ZSWIM6: variants seen among roughly 807,000 people sequenced by gnomAD.
The protein encoded by ZSWIM6 is zinc finger SWIM domain-containing protein 6.
ZSWIM6 carries 9 observed loss-of-function variants against 113.2 expected under a neutral mutation model. The observed-to-expected ratio is 0.08, with a 90% confidence interval of 0.05 to 0.14. The LOEUF is 0.14. Among genes scored for constraint, ZSWIM6 ranks in the 10% least tolerant of loss-of-function variants. ZSWIM6 has a pLI of 1.00. For missense variants in ZSWIM6, 1,162 were observed against 1,552.2 expected (o/e 0.75, Z 4.22); for synonymous variants, 611 against 606.5 (o/e 1.01, Z -0.11).
intron 4 of ZSWIM6, among the ~76,000 whole-genome samples, chr5:61,506,826 TTATAA>T (rs1748634243): frequency 6.6e-6 from 1 of 152,208 alleles, no homozygotes; most frequent in African/African-American, 2.4e-5. Context: ...TTCTAGACTC[TTATAA>T]TAGCCTCTGA....
chr5:61,532,162 G>A (rs1027260569), intron 9 of ZSWIM6, among the ~76,000 whole-genome samples: 4 of 152,146 alleles, frequency 2.6e-5, no homozygotes, highest in Non-Finnish European at 4.4e-5. Context: ...CCTGGGTTTT[G>A]AATGTGTCAT....
intron 1 of ZSWIM6, among the ~76,000 whole-genome samples, chr5:61,372,974 C>T (rs1745298125): frequency 6.6e-6 from 1 of 152,050 alleles, no homozygotes; most frequent in African/African-American, 2.4e-5. Flanking sequence ...ACAAGTCATA[C>T]ATGAATATAT....
intron 2 of ZSWIM6, among the ~76,000 whole-genome samples, chr5:61,480,866 C>T (rs1009962934): frequency 2.0e-5 from 3 of 152,048 alleles, no homozygotes; most frequent in African/African-American, 7.2e-5. Context: ...TGTAAGCCAC[C>T]GATTTAATGT....
intron 1 of ZSWIM6, among the ~76,000 whole-genome samples, chr5:61,460,650 C>G (rs1256646684): frequency 6.6e-6 from 1 of 152,142 alleles, no homozygotes; most frequent in African/African-American, 2.4e-5. Flanking sequence ...AGTGACTTCT[C>G]AGAACTGGAA....
At chr5:61,465,416 T>C (rs1048108885) in intron 1 of ZSWIM6, among the ~76,000 whole-genome samples, 4 of 151,192 alleles carry the variant, frequency 2.6e-5, no homozygotes, top group African/African-American at 9.8e-5. Context: ...CGGAGTGATA[T>C]GACTTTTTTT....
chr5:61,521,521 A>G, intron 5 of ZSWIM6, 79 bp downstream of exon 5: 2 of 1,167,680 alleles, frequency 1.7e-6, no homozygotes, highest in East Asian at 3.2e-5. Flanking sequence ...CTTACAATGT[A>G]TATGGGAAAA....
At chr5:61,517,181 T>G (rs1443004756) in intron 4 of ZSWIM6, among the ~76,000 whole-genome samples, 1 of 152,116 alleles carries the variant, frequency 6.6e-6, no homozygotes, top group Non-Finnish European at 1.5e-5. Context: ...GTTCATATCT[T>G]TCTCCAAATT....
intron 4 of ZSWIM6, among the ~76,000 whole-genome samples, chr5:61,508,756 C>A (rs1177575069): frequency 1.3e-5 from 2 of 152,118 alleles, no homozygotes; most frequent in Non-Finnish European, 2.9e-5. Flanking sequence ...TGGCAACATC[C>A]ACTTCTCATC....
chr5:61,505,449 G>C (rs1018888243), intron 4 of ZSWIM6, among the ~76,000 whole-genome samples: 1 of 152,142 alleles, frequency 6.6e-6, no homozygotes, highest in African/African-American at 2.4e-5. Flanking sequence ...TTCCAGTGAG[G>C]TTGGGCTGTT....
intron 2 of ZSWIM6, among the ~76,000 whole-genome samples, chr5:61,477,983 C>T (rs986896696): frequency 6.6e-6 from 1 of 152,176 alleles, no homozygotes; most frequent in African/African-American, 2.4e-5. Context: ...ATGGAGGACT[C>T]ATGTCACATT....
At chr5:61,375,880 T>C (rs1745365543) in intron 1 of ZSWIM6, 1 of 986,352 alleles carries the variant, frequency 1.0e-6, no homozygotes, top group Non-Finnish European at 1.5e-6. Flanking sequence ...AGGATTCCCT[T>C]ATAAAGAAAG....
intron 1 of ZSWIM6, among the ~76,000 whole-genome samples, chr5:61,384,222 T>C (rs1341659579): frequency 1.6e-5 from 2 of 126,586 alleles, no homozygotes; most frequent in Admixed American, 1.0e-4. Flanking sequence ...CAGTCCAGCC[T>C]AGGCGACAGA....
At chr5:61,489,123 C>T (rs144659108) in intron 2 of ZSWIM6, among the ~76,000 whole-genome samples, 2 of 152,130 alleles carry the variant, frequency 1.3e-5, no homozygotes, top group South Asian at 2.1e-4. Context: ...TTCTTCCATG[C>T]ACCATGTTTT....
chr5:61,431,615 G>C (rs1193911499), intron 1 of ZSWIM6, among the ~76,000 whole-genome samples: 1 of 148,354 alleles, frequency 6.7e-6, no homozygotes. Flanking sequence ...CGTGGTGGTG[G>C]GCGCCTGTAG....
At chr5:61,403,076 G>A (rs1437648324) in intron 1 of ZSWIM6, among the ~76,000 whole-genome samples, 1 of 152,202 alleles carries the variant, frequency 6.6e-6, no homozygotes, top group African/African-American at 2.4e-5. Flanking sequence ...ATAATGTGCT[G>A]TTTACAAGTG....
rs763961822 is a variant in ZSWIM6, at chr5:61,529,606, G to A, written c.1838-446G>A. ...TTTAGAGAGGTCTCTTCTGCATATC[G>A]TGGTAGAGTTACCAATTGATAATTC... On this transcript the variant is annotated intron_variant, in intron 7 of 13. Coordinates refer to ENST00000252744, the MANE Select transcript of ZSWIM6 (RefSeq NM_020928.2). 3.9e-5 allele frequency among the ~76,000 whole-genome samples: 6 copies of A among 152,200 alleles called. No homozygotes were observed. In the South Asian group the frequency reaches 6.2e-4, roughly 16 times the overall value.
intron 2 of ZSWIM6, 95 bp downstream of exon 2, chr5:61,473,132 T>C: frequency 1.3e-6 from 1 of 798,694 alleles, no homozygotes; most frequent in Non-Finnish European, 1.9e-6. Context: ...AAATGTGAAA[T>C]AGATCATCAG....
intron 1 of ZSWIM6, among the ~76,000 whole-genome samples, chr5:61,384,012 C>T (rs1046704409): frequency 1.3e-5 from 2 of 150,572 alleles, no homozygotes; most frequent in African/African-American, 4.9e-5. Flanking sequence ...GAGGCCGAGG[C>T]AGGTGGATCA....
chr5:61,464,785 T>G (rs974225188), intron 1 of ZSWIM6, among the ~76,000 whole-genome samples: 6 of 152,320 alleles, frequency 3.9e-5, no homozygotes, highest in East Asian at 1.9e-4. Context: ...TTCCAAAGGT[T>G]GTTTTGCTGT....
Sources: gnomAD v4.1 joint callset for allele counts (sites outside exome capture counted in the v4.1 genomes callset) on GRCh38, gnomAD v4.1.1 for gene constraint, MANE v1.5 for transcripts, NCBI Gene and HGNC (gene_info 2026-07-23, HGNC 2026-07-21) for gene names.